DUSP22: variants seen among roughly 807,000 people sequenced by gnomAD.
DUSP22 encodes dual specificity phosphatase 22.
Under a neutral mutation model 24.5 loss-of-function variants are expected in DUSP22, and 24 were observed. The ratio of observed to expected loss-of-function variants is 0.98; its 90% CI spans 0.71 to 1.38. DUSP22 has a LOEUF of 1.38. DUSP22 is among the 40% of genes most tolerant of loss of function. The probability of loss-of-function intolerance (pLI) is 0.00; values close to 1 mark genes in which losing one functional copy is unlikely to be tolerated. For synonymous variants in DUSP22, 160 were observed against 106.4 expected, an observed-to-expected ratio of 1.50 and a Z score of -3.10; for missense variants, 330 against 269.2, an observed-to-expected ratio of 1.23 and a Z score of -1.58.
At chr6:324,916 G>A (rs1475536320) in intron 3 of DUSP22, among the ~76,000 whole-genome samples, 1 of 152,308 alleles carries the variant, frequency 6.6e-6, no homozygotes, top group Non-Finnish European at 1.5e-5. Context: ...CAGGCACAGT[G>A]TTCCCAGCAG....
chr6:300,404 A>G (rs1335181879), intron 1 of DUSP22, among the ~76,000 whole-genome samples: 2 of 152,304 alleles, frequency 1.3e-5, no homozygotes, highest in African/African-American at 4.8e-5. Flanking sequence ...AGAGTCACAC[A>G]ATCAACTTTG....
At chr6:348,706 G>A (rs1446953686) in intron 6 of DUSP22, 63 bp from the exon 7 acceptor site, 3 of 1,603,610 alleles carry the variant, frequency 1.9e-6, no homozygotes, top group Admixed American at 1.7e-5. Flanking sequence ...ACAGGTGCAA[G>A]CCCACGTGGA....
At chr6:313,844 T>A (rs1758218268) in intron 3 of DUSP22, among the ~76,000 whole-genome samples, 1 of 152,298 alleles carries the variant, frequency 6.6e-6, no homozygotes, top group Non-Finnish European at 1.5e-5. Context: ...GATTGCACAG[T>A]GGGGAAAAGT....
intron 3 of DUSP22, among the ~76,000 whole-genome samples, chr6:329,687 C>T (rs543396939): frequency 7.7e-4 from 117 of 152,358 alleles, no homozygotes; most frequent in Non-Finnish European, 1.1e-3. Flanking sequence ...CTCCTGACCT[C>T]GTGGCTCACC....
chr6:300,451 A>G lies in DUSP22; in HGVS notation c.22-4177A>G, dbSNP rs545141360. The stretch of plus-strand genomic sequence containing the variant: ...GTTTGAGGAATCCTTTGGAGGGACC[A>G]CTCAGTCTGGAGGTAGGGAGCTCAC... On this transcript the variant is annotated intron_variant, in intron 1 of 6. Coordinates refer to ENST00000419235, the MANE Select transcript of DUSP22 (RefSeq NM_001286555.3). Among the ~76,000 whole-genome samples the G allele has an allele frequency of 1.0e-4, 16 of 152,418 alleles. No homozygotes were observed. In the East Asian group the frequency reaches 3.1e-3, roughly 29 times the overall value.
chr6:299,891 T>A (rs1372475531), intron 1 of DUSP22, among the ~76,000 whole-genome samples: 3 of 152,306 alleles, frequency 2.0e-5, no homozygotes, highest in African/African-American at 4.8e-5. Flanking sequence ...CGTATCAGGC[T>A]TCACTCATCA....
chr6:342,644 G>T (rs1043704609), intron 4 of DUSP22, among the ~76,000 whole-genome samples: 1 of 152,292 alleles, frequency 6.6e-6, no homozygotes, highest in Non-Finnish European at 1.5e-5. Flanking sequence ...TACCGTGTTT[G>T]ACTGACACAT....
chr6:305,461 T>C (rs544585030), intron 2 of DUSP22, among the ~76,000 whole-genome samples: 13 of 152,424 alleles, frequency 8.5e-5, no homozygotes, highest in Middle Eastern at 3.4e-3. Flanking sequence ...TTCAGAAGCC[T>C]GTTCTTTTTA....
intron 3 of DUSP22, among the ~76,000 whole-genome samples, chr6:317,292 G>A (rs910889361): frequency 6.6e-6 from 1 of 152,306 alleles, no homozygotes; most frequent in African/African-American, 2.4e-5. Context: ...CTCCTGGAGG[G>A]ACCCTGGTTT....
At chr6:347,878 C>T (rs547131216) in intron 5 of DUSP22, among the ~76,000 whole-genome samples, 26 of 152,400 alleles carry the variant, frequency 1.7e-4, no homozygotes, top group African/African-American at 6.0e-4. Context: ...ATAAAAGAAG[C>T]TCAAACAGCA....
rs780233657 is a variant in DUSP22 at position 304,619 on chromosome 6, C to G, written c.22-9C>G. On this transcript the variant is annotated splice_polypyrimidine_tract_variant and intron_variant, in intron 1 of 6. Transcript: ENST00000419235. ...GCCATGCTCATGTCTGTGTCTGTCT[C>G]TCTCCTAGATCCTGCCCGGCCTGTA... 33 of 1,614,112 alleles carry G rather than the reference C, an allele frequency of 2.0e-5. No homozygotes were observed. Among genetic ancestry groups the G allele is most frequent in the South Asian group, 2.0e-4 (18 of 91,094 alleles).
intron 3 of DUSP22, among the ~76,000 whole-genome samples, chr6:323,240 ATGTGTG>A (rs5873739): frequency 1.3e-5 from 2 of 151,596 alleles, no homozygotes; most frequent in African/African-American, 2.4e-5. Context: ...GCGTGTGTGC[ATGTGTG>A]TGTGTGTGTG....
intron 3 of DUSP22, among the ~76,000 whole-genome samples, chr6:332,828 G>A (rs963932092): frequency 5.3e-5 from 8 of 152,292 alleles, no homozygotes; most frequent in African/African-American, 1.4e-4. Flanking sequence ...GGAACTTGAG[G>A]CTCCTTCTGG....
intron 4 of DUSP22, among the ~76,000 whole-genome samples, chr6:343,804 G>A (rs978226778): frequency 1.4e-5 from 2 of 146,910 alleles, no homozygotes; most frequent in African/African-American, 2.5e-5. Context: ...GTCAGTACCT[G>A]GGTGAGTTTG....
At chr6:327,657 G>T (rs2127408198) in intron 3 of DUSP22, among the ~76,000 whole-genome samples, 1 of 152,424 alleles carries the variant, frequency 6.6e-6, no homozygotes, top group East Asian at 1.9e-4. Context: ...GTGGTGTGGG[G>T]GCCCAGCGTG....
intron 2 of DUSP22, among the ~76,000 whole-genome samples, chr6:307,828 AAGAC>A (rs1208051309): frequency 3.9e-5 from 6 of 152,310 alleles, no homozygotes; most frequent in Non-Finnish European, 2.9e-5. Flanking sequence ...GCCTGCCAGT[AAGAC>A]AGACAGTCCT....
intron 2 of DUSP22, among the ~76,000 whole-genome samples, chr6:309,617 G>C (rs1232183351): frequency 1.3e-5 from 2 of 152,246 alleles, no homozygotes; most frequent in African/African-American, 4.8e-5. Context: ...CCCCAGGGTA[G>C]ATCTTTCTAA....
At chr6:320,048 A>ACTC (rs540605054) in intron 3 of DUSP22, 257 of 152,574 alleles carry the variant, frequency 1.7e-3, no homozygotes, top group Non-Finnish European at 3.2e-3. Flanking sequence ...GCTACCACAG[A>ACTC]CTCACTTGCA....
At position 350,511 on chromosome 6, in the gene DUSP22, G is replaced by T. The variant is rs879403191; in HGVS notation, c.*1560G>T. ...CAGTTTTCCTGTGCATATAGAGGGTGTGTCAAAGGTGAGCTTTTTGGGGAC... is the reference window on the plus strand; with the variant it reads ...CAGTTTTCCTGTGCATATAGAGGGTTTGTCAAAGGTGAGCTTTTTGGGGAC... On this transcript the variant is annotated 3_prime_UTR_variant, in exon 7 of 7. Transcript: ENST00000419235. The T allele has an allele frequency of 1.1e-5, 14 of 1,297,750 alleles. No individual in the cohort carries two copies. Among genetic ancestry groups the T allele is most frequent in the African/African-American group, 1.5e-5 (1 of 66,988 alleles). 80.4% of individuals were successfully genotyped at this position (1,297,750 alleles called of 1,614,324 possible). A position where few individuals can be genotyped will look rare whatever the true frequency, so the allele number is the denominator to read the frequency against.
Sources: allele counts gnomAD v4.1 joint callset (sites outside exome capture counted in the v4.1 genomes callset), GRCh38; gene constraint gnomAD v4.1.1; transcripts MANE v1.5; gene names NCBI Gene and HGNC (gene_info 2026-07-23, HGNC 2026-07-21).